GRIN1: variants seen among roughly 807,000 people sequenced by gnomAD.
GRIN1 encodes glutamate ionotropic receptor NMDA type subunit 1.
GRIN1 carries 38 observed loss-of-function variants against 103.0 expected under a neutral mutation model. The ratio of observed to expected loss-of-function variants is 0.37; its 90% confidence interval spans 0.28 to 0.48. The LOEUF is 0.48. Ranked by LOEUF, GRIN1 falls within the 20% of genes least tolerant of loss-of-function variation. The pLI is 0.98. For missense variants in GRIN1, 577 were observed against 1,288.9 expected, an observed-to-expected ratio of 0.45 and a Z score of 8.46; for synonymous variants, 544 against 532.7, an observed-to-expected ratio of 1.02 and a Z score of -0.29.
chr9:137,165,374 G>A (rs1335702194), intron 19 of GRIN1, 78 bp downstream of exon 19: 20 of 914,912 alleles, frequency 2.2e-5, no homozygotes, highest in South Asian at 6.6e-5. Flanking sequence ...CCATCACCCC[G>A]CCCCGGACCC....
intron 3 of GRIN1, chr9:137,148,284 G>A (rs1344741886): frequency 4.8e-6 from 5 of 1,043,226 alleles, no homozygotes; most frequent in Non-Finnish European, 7.1e-6. Flanking sequence ...GGCCACTAGG[G>A]CCACTGTCTG....
chr9:137,144,473 T>G (rs528708645), intron 2 of GRIN1, among the ~76,000 whole-genome samples: 1 of 151,272 alleles, frequency 6.6e-6, no homozygotes, highest in East Asian at 2.0e-4. Flanking sequence ...GCTAATACGG[T>G]GAAACCCCAT....
At chr9:137,155,488 C>A (rs1168488247) in intron 4 of GRIN1, among the ~76,000 whole-genome samples, 1 of 152,230 alleles carries the variant, frequency 6.6e-6, no homozygotes, top group Non-Finnish European at 1.5e-5. Context: ...AAACTGGGGG[C>A]AGATCCCTCC....
rs200179209 is a variant in GRIN1, at chr9:137,163,335, G to A, written c.2333+5G>A. ...CGTCTCCCTGTCCATCCTCAAGTGA[G>A]TGTCCGTGCGCCCGCGTCCCTCCTC... is the stretch of plus-strand genomic sequence containing the variant. On this transcript the variant is annotated splice_donor_5th_base_variant and intron_variant, in intron 16 of 19. Transcript: ENST00000371561. 6.2e-7 allele frequency: 1 copy of A among 1,613,278 alleles called. No homozygotes were observed. The highest frequency in any genetic ancestry group is 8.5e-7 in the Non-Finnish European group (1 of 1,179,868).
At chr9:137,164,072 C>A in intron 18 of GRIN1, 168 bp downstream of exon 18, 2 of 820,182 alleles carry the variant, frequency 2.4e-6, no homozygotes, top group Non-Finnish European at 4.1e-6. Context: ...GGGGCAGCAC[C>A]GGTGGGGGGC....
intron 8 of GRIN1, among the ~76,000 whole-genome samples, chr9:137,159,182 C>T (rs571166093): frequency 4.9e-4 from 74 of 152,274 alleles, no homozygotes; most frequent in Non-Finnish European, 8.8e-4. Flanking sequence ...CCTCTGCCCT[C>T]GCCGGCTTCC....
chr9:137,150,305 C>T (rs1385412383), intron 4 of GRIN1, among the ~76,000 whole-genome samples: 1 of 152,028 alleles, frequency 6.6e-6, no homozygotes, highest in Non-Finnish European at 1.5e-5. Flanking sequence ...AGGAATGCCC[C>T]GCCCAGGGAA....
chr9:137,144,764 G>A (rs1177677092), intron 2 of GRIN1, among the ~76,000 whole-genome samples: 2 of 88,746 alleles, frequency 2.3e-5, no homozygotes, highest in Non-Finnish European at 4.4e-5. Context: ...GGGGGTCCCA[G>A]GGTCCAGAAA....
rs1463450447 is a variant in GRIN1 at position 137,161,538 on chromosome 9, T to C, written c.1467+122T>C. 6.0e-6 allele frequency: 4 copies of C among 670,806 alleles called. No individual in the cohort carries two copies. In the African/African-American group the frequency reaches 1.1e-4, roughly 19 times the overall value. The allele number at this position is 670,806 out of a possible 1,614,324, so 41.6% of individuals were successfully genotyped here. On this transcript the variant is annotated intron_variant, in intron 10 of 19. Coordinates refer to ENST00000371561, the MANE Select transcript of GRIN1 (RefSeq NM_007327.4). ...GGGGGGTCCTGGGGTGAGTGGGGCA[T>C]GGAGTGAGCGGAGCCTGCGGGCTGG...
intron 4 of GRIN1, among the ~76,000 whole-genome samples, chr9:137,154,851 A>G (rs1471452323): frequency 6.6e-6 from 1 of 152,160 alleles, no homozygotes; most frequent in Non-Finnish European, 1.5e-5. Context: ...GTCCCACAGC[A>G]GAGGCCGACT....
At chr9:137,148,478 G>A (rs369850628) in intron 3 of GRIN1, among the ~76,000 whole-genome samples, 1 of 152,178 alleles carries the variant, frequency 6.6e-6, no homozygotes, top group Non-Finnish European at 1.5e-5. Flanking sequence ...AAGTGCATGC[G>A]AATCTCCGAG....
chr9:137,154,252 G>A (rs1031967316), intron 4 of GRIN1, among the ~76,000 whole-genome samples: 20 of 149,914 alleles, frequency 1.3e-4, no homozygotes, highest in African/African-American at 4.2e-4. Context: ...AGCCTCCCGA[G>A]TAGCTGGAAT....
intron 10 of GRIN1, among the ~76,000 whole-genome samples, chr9:137,161,654 G>GTGGGGCACGGAGTGGA (rs1225500138): frequency 1.3e-5 from 2 of 150,194 alleles, no homozygotes; most frequent in Non-Finnish European, 3.0e-5. Context: ...GTCGGAGTGG[G>GTGGGGCACGGAGTGGA]TGGGGCACGG....
In GRIN1 at chr9:137,168,101, G is replaced by A. The variant is rs1028790473; in HGVS notation, c.*574G>A. ...GCTCCGGCAGAGGCAGGGCCCTGGG[G>A]TCTCTGAGCAGTGGGGAGCGGGGGC... On this transcript the variant is annotated 3_prime_UTR_variant, in exon 20 of 20. Transcript: ENST00000371561. The A allele has an allele frequency of 1.7e-6, 1 of 574,912 alleles. No homozygotes were observed. Among genetic ancestry groups the A allele is most frequent in the South Asian group, 2.1e-5 (1 of 48,704 alleles). 35.6% of individuals were successfully genotyped at this position (574,912 alleles called of 1,614,324 possible). A position where few individuals can be genotyped will look rare whatever the true frequency, so the allele number is the denominator to read the frequency against.
chr9:137,148,980 G>A (rs200590355), intron 3 of GRIN1, 29 bp from the exon 4 acceptor site: 4 of 1,533,160 alleles, frequency 2.6e-6, no homozygotes, highest in South Asian at 1.1e-5. Context: ...TGCCCCAGCC[G>A]CCTGCTAACA....
intron 10 of GRIN1, 29 bp downstream of exon 10, chr9:137,161,445 G>C (rs1336983853): frequency 2.5e-6 from 4 of 1,601,948 alleles, no homozygotes; most frequent in Non-Finnish European, 2.6e-6. Context: ...GTGGGGACCA[G>C]CGTGAGAGGG....
chr9:137,153,289 A>G (rs1239604451), intron 4 of GRIN1, among the ~76,000 whole-genome samples: 1 of 151,256 alleles, frequency 6.6e-6, no homozygotes, highest in East Asian at 1.9e-4. Flanking sequence ...GCACAAATGT[A>G]TGTACACACA....
chr9:137,158,546 T>A, intron 7 of GRIN1, 23 bp downstream of exon 7: 1 of 1,600,514 alleles, frequency 6.2e-7, no homozygotes, highest in Non-Finnish European at 8.5e-7. Context: ...CATGAGGGGG[T>A]GGGGGCTGGG....
chr9:137,165,138 T>C, intron 18 of GRIN1, 48 bp from the exon 19 acceptor site: 1 of 1,315,466 alleles, frequency 7.6e-7, no homozygotes, highest in East Asian at 2.3e-5. Flanking sequence ...CGAGGGCAGG[T>C]GTGGCCACCA....
Sources: gnomAD v4.1 joint callset for allele counts (sites outside exome capture counted in the v4.1 genomes callset) on GRCh38, gnomAD v4.1.1 for gene constraint, MANE v1.5 for transcripts, NCBI Gene and HGNC (gene_info 2026-07-23, HGNC 2026-07-21) for gene names.